SLC6A20: variants seen among roughly 807,000 people sequenced by gnomAD.
SLC6A20 encodes sodium- and chloride-dependent transporter XTRP3.
In SLC6A20, 73 loss-of-function variants were observed where a neutral mutation model predicts 64.3. That is an observed-to-expected ratio of 1.14 (90% CI 0.94 to 1.38). The LOEUF is 1.38. Ranked by LOEUF, SLC6A20 falls within the 40% of genes most tolerant of loss-of-function variation. The probability of loss-of-function intolerance (pLI) is 0.00; values close to 1 mark genes in which losing one functional copy is unlikely to be tolerated. For synonymous variants in SLC6A20, 347 were observed against 329.6 expected (o/e 1.05, Z -0.57); for missense variants, 725 against 772.8 (o/e 0.94, Z 0.73).
intron 3 of SLC6A20, among the ~76,000 whole-genome samples, chr3:45,776,993 G>A (rs1030823961): frequency 2.6e-5 from 4 of 152,240 alleles, no homozygotes; most frequent in Non-Finnish European, 5.9e-5. Context: ...GTGGTGCTGA[G>A]ATGGGAGGGA....
Position 45,762,785 on chromosome 3 carries a change from G to A in SLC6A20, c.1463+128C>T, listed in dbSNP as rs2286488. ...TGAGATCTGCGGGCAAAGAACAAAC[G>A]TTGAGTCATGATGCGAAGCTTAAAG... On this transcript the variant is annotated intron_variant, in intron 9 of 10. Transcript: ENST00000358525. 2.4e-3 allele frequency: 2,996 copies of A among 1,265,240 alleles called. 49 individuals are homozygous for A. The South Asian group carries it at 0.025, about 11-fold the overall frequency. The allele number at this position is 1,265,240 out of a possible 1,614,324, so 78.4% of individuals were successfully genotyped here.
chr3:45,789,590 T>A (rs1056938615), intron 1 of SLC6A20, among the ~76,000 whole-genome samples: 3 of 77,592 alleles, frequency 3.9e-5, no homozygotes, highest in African/African-American at 1.8e-4. Flanking sequence ...TGGAAAGGAT[T>A]AAAATAAGTT....
At chr3:45,779,767 A>G (rs1700037718) in intron 3 of SLC6A20, among the ~76,000 whole-genome samples, 1 of 152,232 alleles carries the variant, frequency 6.6e-6, no homozygotes, top group Admixed American at 6.5e-5. Flanking sequence ...CTTCTCTCCA[A>G]GAACACGCAC....
intron 1 of SLC6A20, among the ~76,000 whole-genome samples, chr3:45,785,483 C>T (rs913999856): frequency 6.6e-6 from 1 of 152,192 alleles, no homozygotes; most frequent in African/African-American, 2.4e-5. Flanking sequence ...TGGATGCTTC[C>T]TGCCGTTGAA....
At chr3:45,782,259 CA>C in intron 1 of SLC6A20, 36 bp from the exon 2 acceptor site, 1 of 1,589,616 alleles carries the variant, frequency 6.3e-7, no homozygotes, top group Admixed American at 1.7e-5. Flanking sequence ...AGGCCACCAC[CA>C]AAAGGCTTTT....
intron 1 of SLC6A20, 129 bp from the exon 2 acceptor site, chr3:45,782,352 A>G: frequency 7.9e-7 from 1 of 1,268,648 alleles, no homozygotes; most frequent in Non-Finnish European, 1.1e-6. Context: ...CTACCTTTCC[A>G]TCATCCATCC....
chr3:45,773,566 G>A (rs931899872), intron 4 of SLC6A20, among the ~76,000 whole-genome samples: 1 of 152,178 alleles, frequency 6.6e-6, no homozygotes, highest in African/African-American at 2.4e-5. Context: ...ATGTGTACCA[G>A]AGCCTCATTT....
intron 7 of SLC6A20, among the ~76,000 whole-genome samples, chr3:45,768,447 A>G (rs1428260937): frequency 6.6e-6 from 1 of 152,258 alleles, no homozygotes; most frequent in African/African-American, 2.4e-5. Flanking sequence ...GGTGCCATCC[A>G]TAAAGGAAAG....
rs1463071045 is a variant in SLC6A20 at position 45,760,031 on chromosome 3, A to T, written c.1464-9T>A. The T allele has an allele frequency of 1.1e-5, 18 of 1,604,392 alleles. No homozygotes were observed. Among genetic ancestry groups the T allele is most frequent in the Non-Finnish European group, 1.4e-5 (16 of 1,175,708 alleles). ...TAAGGTCACTTTCAAATCTATTTGG[A>T]AAACAGGGAGAGAAAGTCTGGATTA... is the stretch of plus-strand genomic sequence containing the variant. On this transcript the variant is annotated splice_polypyrimidine_tract_variant and intron_variant, in intron 9 of 10. Coordinates refer to ENST00000358525, the MANE Select transcript of SLC6A20 (RefSeq NM_020208.4).
chr3:45,785,758 TC>T (rs1700160793), intron 1 of SLC6A20, among the ~76,000 whole-genome samples: 1 of 152,180 alleles, frequency 6.6e-6, no homozygotes, highest in Non-Finnish European at 1.5e-5. Flanking sequence ...TCAGCGCTCC[TC>T]CCCTGAAGAG....
intron 1 of SLC6A20, among the ~76,000 whole-genome samples, chr3:45,793,495 T>A (rs1454619574): frequency 4.0e-5 from 6 of 151,100 alleles, no homozygotes; most frequent in Admixed American, 1.3e-4. Context: ...TTTTATTTTT[T>A]ATTTTTCTAG....
In SLC6A20 at chr3:45,780,016, G is replaced by A; in HGVS notation, c.347C>T (p.Ser116Phe). 6.2e-7 allele frequency: 1 copy of A among 1,601,726 alleles called. No individual in the cohort carries two copies. The highest frequency in any genetic ancestry group is 1.1e-5 in the South Asian group (1 of 88,516). The change falls in exon 3 of 11, where the codon TCC becomes TTC. Residue 116 changes from serine to phenylalanine, a missense_variant. Ser to Phe is a radical substitution (Grantham distance 155). Transcript: ENST00000358525. ...ACGGGCCCCCCGGCTCACCTGGAAG[G>A]AGTGGAAGAGGTACCAGAAGGCCCA... is the stretch of plus-strand genomic sequence containing the variant. The part of the protein sequence containing the change: ...NAWAFWYLFH[S>F]FQDPLPWSVC...
Position 45,796,216 on chromosome 3 carries a change from T to C in SLC6A20, c.121+83A>G, listed in dbSNP as rs369405219. ...TTCCCGGCCTCAGTGTGCCGTTCTG[T>C]AACTTGGGTCTAACCCCGGCTCGCA... is the stretch of plus-strand genomic sequence containing the variant. On this transcript the variant is annotated intron_variant, in intron 1 of 10. Coordinates refer to ENST00000358525, the MANE Select transcript of SLC6A20 (RefSeq NM_020208.4). The C allele has an allele frequency of 8.6e-5, 131 of 1,529,804 alleles. No homozygotes were observed. In the African/African-American group the frequency reaches 1.5e-3, roughly 17 times the overall value. 94.8% of individuals were successfully genotyped at this position (1,529,804 alleles called of 1,614,324 possible).
chr3:45,780,066 G>A lies in SLC6A20; in HGVS notation c.297C>T (p.Ser99=). The A allele has an allele frequency of 6.2e-7, 1 of 1,603,682 alleles. No individual in the cohort carries two copies. The highest frequency in any genetic ancestry group is 8.5e-7 in the Non-Finnish European group (1 of 1,175,006). ...VASVVVSFFL[S]MYYNVINAWA... is the part of the protein sequence containing the mutation. ...AGGCGTTGATGACGTTGTAGTACATGGAGAGGAAGAAAGAGACCACCACGC... is the reference window on the plus strand; with the variant it reads ...AGGCGTTGATGACGTTGTAGTACATAGAGAGGAAGAAAGAGACCACCACGC... Residue 99 remains serine (S), a synonymous_variant, in exon 3 of 11, where the codon TCC becomes TCT. Coordinates refer to ENST00000358525, the MANE Select transcript of SLC6A20 (RefSeq NM_020208.4).
intron 1 of SLC6A20, among the ~76,000 whole-genome samples, chr3:45,795,715 G>A (rs1482221288): frequency 6.6e-6 from 1 of 152,190 alleles, no homozygotes; most frequent in Non-Finnish European, 1.5e-5. Context: ...CGTGCATGAT[G>A]CTTCGGAGGA....
chr3:45,756,847 A>G lies in SLC6A20; in HGVS notation c.*2131T>C. ...ATAGAGAAAGAACAGTGGGCCCAGG[A>G]CCGGCGCTCAGCATGTGGAGGACCC... On this transcript the variant is annotated 3_prime_UTR_variant, in exon 11 of 11. Transcript: ENST00000358525. 6.6e-6 allele frequency: 1 copy of G among 152,168 alleles called. No homozygotes were observed. Among genetic ancestry groups the G allele is most frequent in the East Asian group, 1.9e-4 (1 of 5,178 alleles). The allele number at this position is 152,168 out of a possible 1,614,324, so 9.4% of individuals were successfully genotyped here.
chr3:45,792,254 G>A (rs1327975458), intron 1 of SLC6A20, among the ~76,000 whole-genome samples: 1 of 152,180 alleles, frequency 6.6e-6, no homozygotes, highest in Non-Finnish European at 1.5e-5. Context: ...GACACCTGAG[G>A]AGTCCTGTCC....
At chr3:45,777,177 C>T (rs1246387888) in intron 3 of SLC6A20, among the ~76,000 whole-genome samples, 1 of 152,194 alleles carries the variant, frequency 6.6e-6, no homozygotes, top group Non-Finnish European at 1.5e-5. Flanking sequence ...GGCTCAATCC[C>T]ATATTTCACA....
At chr3:45,776,891 C>T (rs1380521008) in intron 3 of SLC6A20, among the ~76,000 whole-genome samples, 2 of 152,156 alleles carry the variant, frequency 1.3e-5, no homozygotes, top group Non-Finnish European at 2.9e-5. Context: ...CCAGGTGTGC[C>T]CCCATAGGAG....
Sources: allele counts gnomAD v4.1 joint callset (sites outside exome capture counted in the v4.1 genomes callset), GRCh38; gene constraint gnomAD v4.1.1; transcripts MANE v1.5; gene names NCBI Gene and HGNC (gene_info 2026-07-23, HGNC 2026-07-21).